Variants in B3GAT2 observed in about 807,000 individuals in gnomAD.
The protein encoded by B3GAT2 is galactosylgalactosylxylosylprotein 3-beta-glucuronosyltransferase 2.
In B3GAT2, 26 loss-of-function variants were observed where a neutral mutation model predicts 27.8. The observed-to-expected ratio is 0.93, with a 90% CI of 0.68 to 1.30. The LOEUF is 1.30. B3GAT2 is among the 50% of genes most tolerant of loss of function. B3GAT2 has a pLI of 0.00. For synonymous variants in B3GAT2, 218 were observed against 195.1 expected (o/e 1.12, Z -0.98); for missense variants, 458 against 459.0 (o/e 1.00, Z 0.02).
intron 2 of B3GAT2, among the ~76,000 whole-genome samples, chr6:70,879,831 A>T (rs1419399840): frequency 6.6e-6 from 1 of 152,060 alleles, no homozygotes; most frequent in African/African-American, 2.4e-5. Flanking sequence ...GGATTGTGAG[A>T]TGGGACAGCA....
intron 1 of B3GAT2, among the ~76,000 whole-genome samples, chr6:70,951,622 A>G (rs1430097371): frequency 6.6e-6 from 1 of 152,194 alleles, no homozygotes; most frequent in Non-Finnish European, 1.5e-5. Flanking sequence ...TTAAAATATC[A>G]ACATCCAAAT....
At chr6:70,954,997 C>T (rs1765629915) in intron 1 of B3GAT2, among the ~76,000 whole-genome samples, 1 of 151,894 alleles carries the variant, frequency 6.6e-6, no homozygotes, top group Non-Finnish European at 1.5e-5. Context: ...CACTCAGGAC[C>T]TGGCTGCACC....
intron 1 of B3GAT2, among the ~76,000 whole-genome samples, chr6:70,935,806 A>T (rs1765265515): frequency 6.6e-6 from 1 of 152,152 alleles, no homozygotes. Context: ...TCATGCCAAA[A>T]CGTAAAGACC....
At chr6:70,894,981 G>C (rs1772354641) in intron 1 of B3GAT2, among the ~76,000 whole-genome samples, 2 of 152,184 alleles carry the variant, frequency 1.3e-5, no homozygotes, top group South Asian at 4.1e-4. Flanking sequence ...AAGAAAGCTT[G>C]CTGATATTAG....
intron 1 of B3GAT2, among the ~76,000 whole-genome samples, chr6:70,901,239 G>A (rs537528888): frequency 6.5e-4 from 99 of 152,300 alleles, no homozygotes; most frequent in South Asian, 2.1e-3. Context: ...ATCTTGGCTA[G>A]ATGATTAAGG....
At chr6:70,885,448 T>C (rs1716010) in intron 2 of B3GAT2, among the ~76,000 whole-genome samples, 50,486 of 152,058 alleles carry the variant, frequency 0.33, 13,067 homozygotes, top group African/African-American at 0.7. Flanking sequence ...TGATCTTTTT[T>C]GGCTTCGATT....
chr6:70,916,280 T>G (rs1409577773), intron 1 of B3GAT2, among the ~76,000 whole-genome samples: 5 of 152,232 alleles, frequency 3.3e-5, no homozygotes, highest in Non-Finnish European at 7.3e-5. Flanking sequence ...AAGTTGTTTA[T>G]CAGCTTAAGG....
intron 2 of B3GAT2, among the ~76,000 whole-genome samples, chr6:70,877,404 C>T (rs185898989): frequency 6.6e-5 from 10 of 152,304 alleles, no homozygotes; most frequent in East Asian, 5.8e-4. Flanking sequence ...AGTTTTCCCC[C>T]GACCCTCTGC....
intron 1 of B3GAT2, among the ~76,000 whole-genome samples, chr6:70,950,577 A>G (rs1765564439): frequency 6.6e-6 from 1 of 152,194 alleles, no homozygotes; most frequent in African/African-American, 2.4e-5. Flanking sequence ...CTGCCACATA[A>G]CAGCTACATG....
chr6:70,897,674 TATA>T (rs1772413814), intron 1 of B3GAT2, among the ~76,000 whole-genome samples: 1 of 52,788 alleles, frequency 1.9e-5, no homozygotes, highest in African/African-American at 4.1e-5. Context: ...AAAAAAAATA[TATA>T]TATATATATA....
chr6:70,905,548 A>T (rs1485510362), intron 1 of B3GAT2, among the ~76,000 whole-genome samples: 1 of 152,206 alleles, frequency 6.6e-6, no homozygotes, highest in Non-Finnish European at 1.5e-5. Context: ...CCCTTTTAAA[A>T]TTGGATTATT....
chr6:70,923,749 T>C (rs1329864629), intron 1 of B3GAT2, among the ~76,000 whole-genome samples: 1 of 152,216 alleles, frequency 6.6e-6, no homozygotes, highest in Non-Finnish European at 1.5e-5. Flanking sequence ...TGTTGATAAT[T>C]TGTGTGTGCT....
At position 70,956,425 on chromosome 6, in the gene B3GAT2, T is replaced by G; in HGVS notation, c.5A>C (p.Lys2Thr). Residue 2 changes from lysine (K) to threonine (T), a missense_variant, in exon 1 of 4, where the codon AAG becomes ACG. Transcript: ENST00000230053. M[K>T]SALFTRFFIL... Reference sequence around the variant, plus strand: ...AAAGAAGCGGGTGAAAAGCGCGGACTTCATGGTGCACGCTCCCTGGCCTCT... The same window carrying G: ...AAAGAAGCGGGTGAAAAGCGCGGACGTCATGGTGCACGCTCCCTGGCCTCT... 4 of 1,551,236 alleles carry G rather than the reference T, an allele frequency of 2.6e-6. No homozygotes were observed. The highest frequency in any genetic ancestry group is 3.5e-6 in the Non-Finnish European group (4 of 1,146,876).
At chr6:70,877,769 G>A (rs1287449205) in intron 2 of B3GAT2, among the ~76,000 whole-genome samples, 1 of 152,156 alleles carries the variant, frequency 6.6e-6, no homozygotes, top group African/African-American at 2.4e-5. Context: ...ACTGTCCTAA[G>A]GTACAAAGGC....
chr6:70,930,783 T>A (rs938909335), intron 1 of B3GAT2, among the ~76,000 whole-genome samples: 5 of 152,314 alleles, frequency 3.3e-5, no homozygotes, highest in African/African-American at 1.2e-4. Flanking sequence ...TGGTGATTCC[T>A]CAAGGATCTA....
intron 1 of B3GAT2, among the ~76,000 whole-genome samples, chr6:70,946,740 A>T (rs1170916690): frequency 6.6e-6 from 1 of 152,114 alleles, no homozygotes; most frequent in Non-Finnish European, 1.5e-5. Context: ...CCTAATACAC[A>T]TCTAAAGAAC....
At position 70,859,350 on chromosome 6, in the gene B3GAT2, G is replaced by GT; in HGVS notation, c.*2312dup. 6.5e-7 allele frequency: 1 copy of GT among 1,548,904 alleles called. No homozygotes were observed. The highest frequency in any genetic ancestry group is 8.7e-7 in the Non-Finnish European group (1 of 1,146,216). ...CCAGATAATGCAGAAGGGTGATGCTGTTCTCCAGCACTCCATCAGTGCAAT... is the reference window on the plus strand; with the variant it reads ...CCAGATAATGCAGAAGGGTGATGCTGTTTCTCCAGCACTCCATCAGTGCAAT... On this transcript the variant is annotated 3_prime_UTR_variant, in exon 4 of 4. Coordinates refer to ENST00000230053, the MANE Select transcript of B3GAT2 (RefSeq NM_080742.3).
intron 1 of B3GAT2, among the ~76,000 whole-genome samples, chr6:70,913,284 T>C (rs1000756502): frequency 6.6e-5 from 10 of 152,200 alleles, no homozygotes; most frequent in Admixed American, 5.2e-4. Flanking sequence ...TCTAACTTTT[T>C]GATAGGGGTG....
rs773828710 is a variant in B3GAT2, at chr6:70,862,003, AG to A, written c.737-26del. On this transcript the variant is annotated intron_variant, in intron 2 of 3. Transcript: ENST00000230053. Reference sequence around the variant, plus strand: ...CCTTTGTGAAAAATAAAAAAAAAAAAGAGACTTTAAAATCCTGGTGTACTTC... The same window carrying A: ...CCTTTGTGAAAAATAAAAAAAAAAAAAGACTTTAAAATCCTGGTGTACTTC... 9 of 1,545,970 alleles carry A rather than the reference AG, an allele frequency of 5.8e-6. No homozygotes were observed. In the African/African-American group the frequency reaches 7.3e-5, roughly 13 times the overall value.
Sources: allele counts gnomAD v4.1 joint callset (sites outside exome capture counted in the v4.1 genomes callset), GRCh38; gene constraint gnomAD v4.1.1; transcripts MANE v1.5; gene names NCBI Gene and HGNC (gene_info 2026-07-23, HGNC 2026-07-21).